The following SPATS2L variants were observed in gnomAD, a reference collection of about 807,000 sequenced individuals.
SPATS2L encodes the protein spermatogenesis associated serine rich 2 like, also known as SPATS2-like protein.
SPATS2L carries 30 observed loss-of-function variants against 59.6 expected under a neutral mutation model. The ratio of observed to expected loss-of-function variants is 0.50; its 90% CI spans 0.38 to 0.68. The LOEUF is 0.68. SPATS2L is among the 30% of genes least tolerant of loss of function. The probability of loss-of-function intolerance (pLI) is 0.00; values close to 1 mark genes in which losing one functional copy is unlikely to be tolerated. For synonymous variants in SPATS2L, 252 were observed against 263.5 expected, an observed-to-expected ratio of 0.96 and a Z score of 0.42; for missense variants, 615 against 700.0, an observed-to-expected ratio of 0.88 and a Z score of 1.37.
rs755663120 is a variant in SPATS2L, at chr2:200,439,257, C to T, written c.581C>T (p.Thr194Ile). The T allele has an allele frequency of 1.9e-6, 3 of 1,613,618 alleles. No homozygotes were observed. The highest frequency in any genetic ancestry group is 2.7e-5 in the African/African-American group (2 of 74,916). Residue 194 changes from threonine (T) to isoleucine (I), a missense_variant, in exon 7 of 13, where the codon ACA becomes ATA. By Grantham distance (89) the Thr-to-Ile change is moderately conservative. Coordinates refer to ENST00000409140, the MANE Select transcript of SPATS2L (RefSeq NM_001100423.2). The part of the protein sequence containing the change: ...PCNPSKPKAK[T>I]SPVKSNTPAA... ...AACCCAAGCAAGCCTAAGGCAAAAACATCTCCTGTTAAGTCCAATACCCCT... is the reference window on the plus strand; with the variant it reads ...AACCCAAGCAAGCCTAAGGCAAAAATATCTCCTGTTAAGTCCAATACCCCT...
chr2:200,333,375 T>C (rs1176603565), intron 2 of SPATS2L, among the ~76,000 whole-genome samples: 2 of 151,882 alleles, frequency 1.3e-5, no homozygotes, highest in African/African-American at 2.4e-5. Context: ...CTTTATTTTA[T>C]TGAGACATGA....
rs2086111238 is a variant in SPATS2L, at chr2:200,459,857, A to G, written c.847+30A>G. 6 of 1,522,460 alleles carry G rather than the reference A, an allele frequency of 3.9e-6. No homozygotes were observed. In the East Asian group the frequency reaches 1.4e-4, roughly 34 times the overall value. The allele number at this position is 1,522,460 out of a possible 1,614,324, so 94.3% of individuals were successfully genotyped here. A position where few individuals can be genotyped will look rare whatever the true frequency, so the allele number is the denominator to read the frequency against. On this transcript the variant is annotated intron_variant, in intron 9 of 12. Coordinates refer to ENST00000409140, the MANE Select transcript of SPATS2L (RefSeq NM_001100423.2). ...GTAGACAACACATGGTTATTTGATT[A>G]GGAGCTTCCCAATCAGAAGCAATCC...
intron 3 of SPATS2L, 117 bp from the exon 4 acceptor site, chr2:200,412,194 T>G (rs1303898837): frequency 1.7e-6 from 1 of 582,326 alleles, no homozygotes; most frequent in Non-Finnish European, 2.9e-6. Flanking sequence ...AGAAGGTAGA[T>G]TAGTTGGCTT....
intron 1 of SPATS2L, among the ~76,000 whole-genome samples, chr2:200,324,701 A>G (rs1489821596): frequency 6.6e-6 from 1 of 152,214 alleles, no homozygotes; most frequent in Admixed American, 6.5e-5. Flanking sequence ...TACTTTCTAT[A>G]CAATAAATTT....
intron 7 of SPATS2L, among the ~76,000 whole-genome samples, chr2:200,439,549 C>A (rs2084543972): frequency 6.6e-6 from 1 of 152,170 alleles, no homozygotes; most frequent in African/African-American, 2.4e-5. Flanking sequence ...CCTTTCTCTG[C>A]CCCTCTGAGA....
chr2:200,430,664 T>C (rs933884722), intron 6 of SPATS2L, among the ~76,000 whole-genome samples: 4 of 151,908 alleles, frequency 2.6e-5, no homozygotes, highest in Non-Finnish European at 4.4e-5. Flanking sequence ...TTTATGAATG[T>C]GCCATATTTC....
At chr2:200,359,832 AC>A (rs2081038372) in intron 2 of SPATS2L, among the ~76,000 whole-genome samples, 1 of 152,184 alleles carries the variant, frequency 6.6e-6, no homozygotes, top group African/African-American at 2.4e-5. Context: ...ACGGCTGTGA[AC>A]CAGGGCCCTT....
intron 2 of SPATS2L, among the ~76,000 whole-genome samples, chr2:200,377,834 A>G (rs1244465696): frequency 6.6e-6 from 1 of 152,216 alleles, no homozygotes; most frequent in Non-Finnish European, 1.5e-5. Flanking sequence ...GGTGCAGTGT[A>G]AGAATGTGTA....
chr2:200,339,634 G>A (rs891704), intron 2 of SPATS2L, among the ~76,000 whole-genome samples: 16,345 of 152,134 alleles, frequency 0.11, 936 homozygotes, highest in Non-Finnish European at 0.13. Context: ...TAAATTCAAT[G>A]CATGTATTTA....
At position 200,477,795 on chromosome 2, in the gene SPATS2L, C is replaced by T; in HGVS notation, c.1441C>T (p.Pro481Ser). The T allele has an allele frequency of 1.3e-6, 2 of 1,576,276 alleles. No individual in the cohort carries two copies. The highest frequency in any genetic ancestry group is 1.7e-6 in the Non-Finnish European group (2 of 1,160,898). The change falls in exon 13 of 13, where the codon CCC (proline) becomes TCC (serine). Residue 481 changes from proline to serine, a missense_variant. Physicochemically the swap from Pro to Ser is moderately conservative, Grantham distance 74. Transcript: ENST00000409140. Reference sequence around the variant, plus strand: ...AAGACAGCCGCACAACGGCTTCCGGCCCAAAAACAAAGGCGGTGCCAAAAA... The same window carrying T: ...AAGACAGCCGCACAACGGCTTCCGGTCCAAAAACAAAGGCGGTGCCAAAAA... ...HRRQPHNGFR[P>S]KNKGGAKNQE...
intron 6 of SPATS2L, among the ~76,000 whole-genome samples, chr2:200,424,712 C>G (rs1330910926): frequency 6.6e-6 from 1 of 152,154 alleles, no homozygotes; most frequent in East Asian, 1.9e-4. Flanking sequence ...CCTCTCTTGT[C>G]TTTACCCCAC....
At chr2:200,444,390 T>G (rs1057223609) in intron 8 of SPATS2L, among the ~76,000 whole-genome samples, 2 of 152,134 alleles carry the variant, frequency 1.3e-5, no homozygotes, top group African/African-American at 2.4e-5. Flanking sequence ...TATTCCAAAA[T>G]AGAGCTGTAA....
intron 4 of SPATS2L, 85 bp downstream of exon 4, chr2:200,412,504 A>AT: frequency 3.0e-5 from 21 of 700,102 alleles, no homozygotes; most frequent in Non-Finnish European, 4.4e-5. Flanking sequence ...TGAACTGAAT[A>AT]TCAATTCATT....
intron 3 of SPATS2L, among the ~76,000 whole-genome samples, chr2:200,401,144 A>G (rs947777597): frequency 6.6e-6 from 1 of 152,118 alleles, no homozygotes. Flanking sequence ...TGCTTCAAGG[A>G]AGCCCAGACT....
intron 3 of SPATS2L, among the ~76,000 whole-genome samples, chr2:200,393,484 T>G (rs1424020162): frequency 8.5e-5 from 13 of 152,216 alleles, no homozygotes; most frequent in Admixed American, 8.5e-4. Context: ...TCCCACTGCA[T>G]TTCCGTAACT....
intron 8 of SPATS2L, among the ~76,000 whole-genome samples, chr2:200,444,872 T>G (rs1205078638): frequency 6.6e-6 from 1 of 151,946 alleles, no homozygotes; most frequent in Non-Finnish European, 1.5e-5. Flanking sequence ...GGTGTCTCCA[T>G]ATCCCTTTTC....
chr2:200,472,478 A>C lies in SPATS2L; in HGVS notation c.1061-354A>C, dbSNP rs141238575. Reference sequence around the variant, plus strand: ...ATGGGGACTCTACGAGGCAGAGTACATTTGCAGACAGGGCCAGAGAGGGAA... The same window carrying C: ...ATGGGGACTCTACGAGGCAGAGTACCTTTGCAGACAGGGCCAGAGAGGGAA... On this transcript the variant is annotated intron_variant, in intron 11 of 12. Coordinates refer to ENST00000409140, the MANE Select transcript of SPATS2L (RefSeq NM_001100423.2). 5.7e-3 allele frequency among the ~76,000 whole-genome samples: 862 copies of C among 152,284 alleles called. 4 individuals are homozygous for C. Among genetic ancestry groups the C allele is most frequent in the Non-Finnish European group, 9.5e-3 (643 of 68,016 alleles).
At chr2:200,354,871 C>T (rs1311811141) in intron 2 of SPATS2L, among the ~76,000 whole-genome samples, 1 of 152,138 alleles carries the variant, frequency 6.6e-6, no homozygotes, top group African/African-American at 2.4e-5. Flanking sequence ...TAGTTATTTG[C>T]TGTGCCTGAA....
chr2:200,396,761 A>G (rs1421883354), intron 3 of SPATS2L, among the ~76,000 whole-genome samples: 1 of 152,192 alleles, frequency 6.6e-6, no homozygotes, highest in African/African-American at 2.4e-5. Context: ...AGCTTTGGGG[A>G]AAAATTTGCA....
Sources: allele counts gnomAD v4.1 joint callset (sites outside exome capture counted in the v4.1 genomes callset), GRCh38; gene constraint gnomAD v4.1.1; transcripts MANE v1.5; gene names NCBI Gene and HGNC (gene_info 2026-07-23, HGNC 2026-07-21).